The following RAD51C variants were observed in gnomAD, a reference collection of about 807,000 sequenced individuals.
RAD51C encodes RAD51 paralog C, also known as DNA repair protein RAD51 homolog 3.
A neutral mutation model predicts 45.0 loss-of-function variants in RAD51C; 42 were observed. The ratio of observed to expected loss-of-function variants is 0.93; its 90% CI spans 0.73 to 1.21. The LOEUF (loss-of-function observed/expected upper bound fraction) is 1.21, where lower values mean the gene tolerates loss of function less well. Ranked by LOEUF, RAD51C falls within the 50% of genes most tolerant of loss-of-function variation. The probability of loss-of-function intolerance (pLI) is 0.00; values close to 1 mark genes in which losing one functional copy is unlikely to be tolerated. For missense variants in RAD51C, 474 were observed against 452.2 expected (o/e 1.05, Z -0.44); for synonymous variants, 172 against 159.8 (o/e 1.08, Z -0.58).
intron 6 of RAD51C, among the ~76,000 whole-genome samples, chr17:58,723,746 T>A (rs2049006616): frequency 6.6e-6 from 1 of 152,184 alleles, no homozygotes; most frequent in Non-Finnish European, 1.5e-5. Context: ...TTTACTTTTC[T>A]TCTGGAGGTC....
intron 1 of RAD51C, chr17:58,693,500 G>A (rs1204803969): frequency 6.6e-6 from 1 of 152,350 alleles, no homozygotes. Context: ...TGCCCTTACT[G>A]ATGGAAAATA....
At chr17:58,709,794 G>A (rs2143848576) in intron 4 of RAD51C, 65 bp from the exon 5 acceptor site, 1 of 1,467,732 alleles carries the variant, frequency 6.8e-7, no homozygotes, top group South Asian at 1.2e-5. Context: ...TGGAGAGAGA[G>A]AGCATTTTTA....
In RAD51C at chr17:58,695,182, C is replaced by G. The variant is rs387907159; in HGVS notation, c.397C>G (p.Gln133Glu). Residue 133 changes from glutamine (Q) to glutamate (E), a missense_variant, in exon 2 of 9, where the codon CAA (glutamine) becomes GAA (glutamate). Gln to Glu is a conservative substitution (Grantham distance 29). Transcript: ENST00000337432. ...TGGTGCACCAGGTGTTGGAAAAACA[C>G]AATTATGGTAAAATAAAGTGTTCTC... ...ICGAPGVGKT[Q>E]LCMQLAVDVQ... 3.7e-6 allele frequency: 6 copies of G among 1,610,194 alleles called. No homozygotes were observed. Among genetic ancestry groups the G allele is most frequent in the Middle Eastern group, 1.6e-4 (1 of 6,072 alleles).
At chr17:58,705,155 A>G (rs1002807560) in intron 4 of RAD51C, among the ~76,000 whole-genome samples, 1 of 152,030 alleles carries the variant, frequency 6.6e-6, no homozygotes, top group African/African-American at 2.4e-5. Flanking sequence ...AATTAAATAA[A>G]TAAATACAAT....
At chr17:58,719,749 G>A (rs1453263933) in intron 5 of RAD51C, among the ~76,000 whole-genome samples, 2 of 134,406 alleles carry the variant, frequency 1.5e-5, no homozygotes, top group Non-Finnish European at 3.2e-5. Flanking sequence ...TTTTTTTTGA[G>A]ATGGAGTCTC....
chr17:58,701,955 A>T (rs1035211699), intron 3 of RAD51C, among the ~76,000 whole-genome samples: 11 of 152,122 alleles, frequency 7.2e-5, no homozygotes, highest in Non-Finnish European at 1.2e-4. Context: ...TTCAAGAGAA[A>T]AAATGCTTCA....
In RAD51C at chr17:58,696,789, T is replaced by C; in HGVS notation, c.501T>C (p.Asp167=). The C allele has an allele frequency of 6.2e-7, 1 of 1,614,180 alleles. No individual in the cohort carries two copies. Among genetic ancestry groups the C allele is most frequent in the Middle Eastern group, 1.6e-4 (1 of 6,062 alleles). Residue 167 remains aspartate (D), a synonymous_variant, in exon 3 of 9, where the codon GAT becomes GAC. Transcript: ENST00000337432. ...FIDTEGSFMV[D]RVVDLATACI... ...ATACAGAGGGAAGTTTTATGGTTGA[T>C]AGAGTGGTAGACCTTGCTACTGCCT...
intron 6 of RAD51C, among the ~76,000 whole-genome samples, chr17:58,722,490 G>A (rs1228090956): frequency 1.3e-5 from 2 of 152,154 alleles, no homozygotes; most frequent in African/African-American, 2.4e-5. Context: ...AATTGCACAT[G>A]TGGCAAGTGA....
In RAD51C at chr17:58,720,742, G is replaced by T. The variant is rs2048889291; in HGVS notation, c.838-4G>T. On this transcript the variant is annotated splice_polypyrimidine_tract_variant and splice_region_variant and intron_variant, in intron 5 of 8. Transcript: ENST00000337432. ...CCTAATTTTCTTACATTTTGTTTTT[G>T]TAGGTAATTTTAACCAATCAGATGA... is the stretch of plus-strand genomic sequence containing the variant. 6.2e-7 allele frequency: 1 copy of T among 1,608,054 alleles called. No individual in the cohort carries two copies. Among genetic ancestry groups the T allele is most frequent in the Non-Finnish European group, 8.5e-7 (1 of 1,175,170 alleles).
chr17:58,733,538 C>T (rs371206249), intron 8 of RAD51C, among the ~76,000 whole-genome samples: 20 of 152,052 alleles, frequency 1.3e-4, no homozygotes, highest in African/African-American at 4.3e-4. Context: ...ACAAAGCTAT[C>T]GTAAAGTTTG....
chr17:58,709,524 T>G (rs193228936), intron 4 of RAD51C: 197 of 196,878 alleles, frequency 1.0e-3, no homozygotes, highest in Middle Eastern at 4.4e-3. Flanking sequence ...AGCCCTGGGT[T>G]TTAAGGTTTT....
chr17:58,719,824 G>T (rs1489376748), intron 5 of RAD51C, among the ~76,000 whole-genome samples: 1 of 150,618 alleles, frequency 6.6e-6, no homozygotes, highest in Non-Finnish European at 1.5e-5. Flanking sequence ...TGCTCCCCGG[G>T]TTCACGCCAT....
chr17:58,706,653 T>C (rs1484134610), intron 4 of RAD51C: 2 of 284,134 alleles, frequency 7.0e-6, no homozygotes, highest in Admixed American at 4.6e-5. Context: ...TTTGGCACCA[T>C]TCTTTCCTTT....
chr17:58,707,015 C>G (rs1053368694), intron 4 of RAD51C, among the ~76,000 whole-genome samples: 2 of 152,214 alleles, frequency 1.3e-5, no homozygotes, highest in Non-Finnish European at 1.5e-5. Flanking sequence ...TCTGTCTCCT[C>G]TTTCATTTTT....
chr17:58,722,990 C>T (rs2048974088), intron 6 of RAD51C, among the ~76,000 whole-genome samples: 1 of 152,156 alleles, frequency 6.6e-6, no homozygotes. Context: ...CTGAGTGGGA[C>T]TGAAAAGTAA....
chr17:58,726,859 C>T (rs559245816), intron 7 of RAD51C, among the ~76,000 whole-genome samples: 14 of 152,004 alleles, frequency 9.2e-5, no homozygotes, highest in South Asian at 2.1e-4. Context: ...CTCGCTCTGT[C>T]GCCCAGGCTG....
At position 58,708,766 on chromosome 17, in the gene RAD51C, C is replaced by T. The variant is rs182151346; in HGVS notation, c.706-1093C>T. 4.0e-3 allele frequency among the ~76,000 whole-genome samples: 605 copies of T among 151,708 alleles called. 2 individuals carry two copies. Among genetic ancestry groups the T allele is most frequent in the Non-Finnish European group, 6.3e-3 (430 of 67,902 alleles). ...CAGGCTGGAGTGCATGGCAGGGTTT[C>T]ACCACGTTGGCCAGGCTGGTCTCAA... On this transcript the variant is annotated intron_variant, in intron 4 of 8. Transcript: ENST00000337432.
Position 58,734,535 on chromosome 17 carries a change from C to T in RAD51C, c.*313C>T. The T allele has an allele frequency of 1.5e-5, 5 of 329,606 alleles. No homozygotes were observed. The highest frequency in any genetic ancestry group is 2.2e-5 in the Non-Finnish European group (4 of 180,298). The allele number at this position is 329,606 out of a possible 1,614,324, so 20.4% of individuals were successfully genotyped here. On this transcript the variant is annotated 3_prime_UTR_variant, in exon 9 of 9. Coordinates refer to ENST00000337432, the MANE Select transcript of RAD51C (RefSeq NM_058216.3). ...CCATTCATACTGTTTTCACCCCTTTCTTTCCCAGTTGCCTATAAAATCTTA... is the reference window on the plus strand; with the variant it reads ...CCATTCATACTGTTTTCACCCCTTTTTTTCCCAGTTGCCTATAAAATCTTA...
At chr17:58,713,644 CTAA>C (rs1307277585) in intron 5 of RAD51C, among the ~76,000 whole-genome samples, 1 of 152,076 alleles carries the variant, frequency 6.6e-6, no homozygotes, top group Admixed American at 6.6e-5. Flanking sequence ...CTTGTCTCTA[CTAA>C]TAATACAAAA....
Sources: gnomAD v4.1 joint callset for allele counts (sites outside exome capture counted in the v4.1 genomes callset) on GRCh38, gnomAD v4.1.1 for gene constraint, MANE v1.5 for transcripts, NCBI Gene and HGNC (gene_info 2026-07-23, HGNC 2026-07-21) for gene names.